Variants in SCGB2B2 observed in about 807,000 individuals in gnomAD.
The protein encoded by SCGB2B2 is secretoglobin family 2B member 2.
A neutral mutation model predicts 7.6 loss-of-function variants in SCGB2B2; 11 were observed. The observed-to-expected ratio is 1.45, with a 90% confidence interval of 0.91 to 2.40. The LOEUF (loss-of-function observed/expected upper bound fraction) is 2.40. SCGB2B2 is among the 30% of genes most tolerant of loss of function. The probability of loss-of-function intolerance (pLI) is 0.00; values close to 1 mark genes in which losing one functional copy is unlikely to be tolerated. For missense variants in SCGB2B2, 104 were observed against 115.4 expected, an observed-to-expected ratio of 0.90 and a Z score of 0.45; for synonymous variants, 50 against 48.6, an observed-to-expected ratio of 1.03 and a Z score of -0.12.
intron 1 of SCGB2B2, among the ~76,000 whole-genome samples, chr19:34,597,992 G>A (rs1248993714): frequency 6.6e-6 from 1 of 152,104 alleles, no homozygotes; most frequent in African/African-American, 2.4e-5. Flanking sequence ...AGAATGGAGG[G>A]GTCGGGGAGA....
At chr19:34,603,201 G>T (rs955935091) in intron 1 of SCGB2B2, among the ~76,000 whole-genome samples, 3 of 152,170 alleles carry the variant, frequency 2.0e-5, no homozygotes, top group Admixed American at 2.0e-4. Flanking sequence ...AGCATGTTCA[G>T]CATTTTCAGT....
At chr19:34,607,768 G>A (rs111901140) in intron 1 of SCGB2B2, among the ~76,000 whole-genome samples, 99 of 152,254 alleles carry the variant, frequency 6.5e-4, no homozygotes, top group Middle Eastern at 3.4e-3. Context: ...GCCTATGCAG[G>A]GCCTTTGCCC....
chr19:34,589,252 G>A (rs2065246114), downstream of SCGB2B2, among the ~76,000 whole-genome samples: 1 of 152,108 alleles, frequency 6.6e-6, no homozygotes, highest in South Asian at 2.1e-4. Context: ...GGCAGGAGAG[G>A]TAAATGGGAC....
At chr19:34,665,007 C>T (rs1183146163) in intron 1 of SCGB2B2, among the ~76,000 whole-genome samples, 9 of 152,348 alleles carry the variant, frequency 5.9e-5, no homozygotes, top group Middle Eastern at 3.4e-3. Context: ...GCCCCCACAC[C>T]GGCCCCATCA....
intron 1 of SCGB2B2, among the ~76,000 whole-genome samples, chr19:34,667,138 C>G (rs2067651591): frequency 6.6e-6 from 1 of 152,048 alleles, no homozygotes; most frequent in Non-Finnish European, 1.5e-5. Flanking sequence ...CCCTGAGAGC[C>G]TCTCTCTCCA....
intron 1 of SCGB2B2, among the ~76,000 whole-genome samples, chr19:34,650,004 C>A (rs144689810): frequency 1.3e-5 from 2 of 151,386 alleles, no homozygotes; most frequent in Non-Finnish European, 2.9e-5. Flanking sequence ...CCTAAGTCAT[C>A]CCCTAAGTGT....
intron 1 of SCGB2B2, among the ~76,000 whole-genome samples, chr19:34,661,940 C>A (rs1392223049): frequency 6.6e-6 from 1 of 151,878 alleles, no homozygotes; most frequent in Non-Finnish European, 1.5e-5. Flanking sequence ...AGTGCAGTGG[C>A]CTGATCTCGG....
intron 1 of SCGB2B2, among the ~76,000 whole-genome samples, chr19:34,628,683 G>C (rs1488748928): frequency 1.3e-5 from 2 of 151,884 alleles, no homozygotes; most frequent in Admixed American, 6.6e-5. Context: ...ATTTCTACCA[G>C]AGGTACAAAG....
intron 1 of SCGB2B2, among the ~76,000 whole-genome samples, chr19:34,606,069 T>C (rs574785789): frequency 6.6e-6 from 1 of 151,936 alleles, no homozygotes; most frequent in Admixed American, 6.5e-5. Context: ...TTTTACGTAG[T>C]TTTTAAAATT....
intron 1 of SCGB2B2, among the ~76,000 whole-genome samples, chr19:34,663,512 T>C (rs1600070372): frequency 6.6e-6 from 1 of 152,216 alleles, no homozygotes; most frequent in Non-Finnish European, 1.5e-5. Context: ...GTTTACTGTA[T>C]GTGCAGATGT....
intron 1 of SCGB2B2, among the ~76,000 whole-genome samples, chr19:34,649,231 A>T (rs575238650): frequency 2.6e-5 from 4 of 152,258 alleles, no homozygotes; most frequent in African/African-American, 9.6e-5. Flanking sequence ...TAGGACTGAC[A>T]CTGTATGTAA....
chr19:34,599,104 G>C (rs2065543080), intron 1 of SCGB2B2, among the ~76,000 whole-genome samples: 1 of 152,252 alleles, frequency 6.6e-6, no homozygotes, highest in Non-Finnish European at 1.5e-5. Context: ...GTTGATACTG[G>C]GAGAGGAGCT....
downstream of SCGB2B2, among the ~76,000 whole-genome samples, chr19:34,587,506 TG>T (rs1476979795): frequency 1.3e-5 from 2 of 152,210 alleles, no homozygotes; most frequent in Admixed American, 1.3e-4. Flanking sequence ...CTTTCCAGTC[TG>T]GATGCCCTTT....
intron 1 of SCGB2B2, among the ~76,000 whole-genome samples, chr19:34,633,582 C>T (rs995476505): frequency 5.3e-5 from 8 of 151,980 alleles, no homozygotes; most frequent in African/African-American, 1.9e-4. Context: ...CAGCAAAAGA[C>T]AGTAAATCAA....
At chr19:34,662,131 T>C (rs550455487) in intron 1 of SCGB2B2, among the ~76,000 whole-genome samples, 34 of 152,250 alleles carry the variant, frequency 2.2e-4, no homozygotes, top group African/African-American at 7.7e-4. Flanking sequence ...CCACCTGCCT[T>C]GGCCTCCCAA....
At chr19:34,586,512 A>G (rs369860429), downstream of SCGB2B2, among the ~76,000 whole-genome samples, 3 of 152,244 alleles carry the variant, frequency 2.0e-5, no homozygotes, top group African/African-American at 7.2e-5. Flanking sequence ...TGTAAATTCA[A>G]TCATACAGTA....
downstream of SCGB2B2, among the ~76,000 whole-genome samples, chr19:34,588,304 G>C (rs2065225267): frequency 6.6e-6 from 1 of 152,062 alleles, no homozygotes; most frequent in Non-Finnish European, 1.5e-5. Context: ...TTTCAAATTG[G>C]TGGTTGTATT....
At chr19:34,640,088 A>G (rs185498048) in intron 1 of SCGB2B2, among the ~76,000 whole-genome samples, 58 of 152,264 alleles carry the variant, frequency 3.8e-4, no homozygotes, top group Admixed American at 3.7e-3. Context: ...CTATGCATCT[A>G]ACAAAACACT....
chr19:34,620,891 A>G (rs2066224921), intron 1 of SCGB2B2, among the ~76,000 whole-genome samples: 1 of 152,202 alleles, frequency 6.6e-6, no homozygotes, highest in African/African-American at 2.4e-5. Context: ...AACTTTCAAA[A>G]TAAATTCAAT....
Sources: allele counts gnomAD v4.1 joint callset (sites outside exome capture counted in the v4.1 genomes callset), GRCh38; gene constraint gnomAD v4.1.1; transcripts MANE v1.5; gene names NCBI Gene and HGNC (gene_info 2026-07-23, HGNC 2026-07-21).